The following SYN3 variants were observed in gnomAD, a reference collection of about 807,000 sequenced individuals.
SYN3 encodes synapsin-3.
SYN3 carries 35 observed loss-of-function variants against 65.8 expected under a neutral mutation model. That is an observed-to-expected ratio of 0.53 (90% CI 0.41 to 0.70). The LOEUF (loss-of-function observed/expected upper bound fraction) is 0.70, where lower values mean the gene tolerates loss of function less well. Ranked by LOEUF, SYN3 falls within the 30% of genes least tolerant of loss-of-function variation. SYN3 has a pLI of 0.00. For synonymous variants in SYN3, 270 were observed against 292.9 expected, an observed-to-expected ratio of 0.92 and a Z score of 0.80; for missense variants, 680 against 749.0, an observed-to-expected ratio of 0.91 and a Z score of 1.08.
In SYN3 at chr22:32,888,446, G is replaced by A. The variant is rs557798644; in HGVS notation, c.462-19321C>T. Among the ~76,000 whole-genome samples, 8 of 152,220 alleles carry A rather than the reference G, an allele frequency of 5.3e-5. No homozygotes were observed. In the South Asian group the frequency reaches 6.2e-4, roughly 12 times the overall value. ...CTATTTTCCAAAGGGGCTGTACCAC[G>A]TTACATCCCCAACAGCAATGTAGGA... On this transcript the variant is annotated intron_variant, in intron 4 of 13. Transcript: ENST00000358763.
chr22:32,693,589 C>CTTTTTTTTT (rs1257835833), intron 6 of SYN3, among the ~76,000 whole-genome samples: 3 of 113,494 alleles, frequency 2.6e-5, no homozygotes, highest in African/African-American at 1.4e-4. Context: ...TTTTCTGTAG[C>CTTTTTTTTT]TTGTTTTTTT....
intron 3 of SYN3, among the ~76,000 whole-genome samples, chr22:32,980,355 C>G (rs938745811): frequency 2.0e-5 from 3 of 152,218 alleles, no homozygotes; most frequent in African/African-American, 7.2e-5. Context: ...AGAAGTTGGG[C>G]TCCACCTGCC....
chr22:32,849,326 C>A, intron 6 of SYN3: 3 of 761,138 alleles, frequency 3.9e-6, no homozygotes, highest in Admixed American at 4.1e-5. Flanking sequence ...ATCATCTATT[C>A]CAGTTGGCTC....
chr22:32,574,957 A>G (rs1279863223), intron 7 of SYN3, among the ~76,000 whole-genome samples: 1 of 152,208 alleles, frequency 6.6e-6, no homozygotes, highest in Non-Finnish European at 1.5e-5. Flanking sequence ...TAAACTCGCA[A>G]ATGTATTCCC....
Position 32,508,380 on chromosome 22 carries a change from C to T in SYN3, c.*5312G>A, listed in dbSNP as rs557127536. 1.1e-4 allele frequency among the ~76,000 whole-genome samples: 16 copies of T among 152,274 alleles called. 1 individual carries two copies. The highest frequency in any genetic ancestry group is 7.8e-4 in the Admixed American group (12 of 15,290). On this transcript the variant is annotated 3_prime_UTR_variant, in exon 14 of 14. Transcript: ENST00000358763. ...CCTTCCCAAATCCTATAAAACGGCC[C>T]CATCCCTACTCCCTTTGCTGACTCT...
chr22:32,884,294 A>G (rs1177228477), intron 4 of SYN3, among the ~76,000 whole-genome samples: 3 of 152,228 alleles, frequency 2.0e-5, no homozygotes, highest in Non-Finnish European at 4.4e-5. Flanking sequence ...CCCAGGGGTC[A>G]ATTGATTGCA....
chr22:32,821,878 G>A (rs940008218), intron 6 of SYN3, among the ~76,000 whole-genome samples: 3 of 152,194 alleles, frequency 2.0e-5, no homozygotes, highest in Non-Finnish European at 4.4e-5. Context: ...AGTTGAGGCC[G>A]AGCGCAGTGG....
intron 6 of SYN3, among the ~76,000 whole-genome samples, chr22:32,716,116 C>T (rs929141405): frequency 1.3e-5 from 2 of 152,140 alleles, no homozygotes; most frequent in Admixed American, 6.5e-5. Context: ...GACAATGAGG[C>T]TGTGTTTGGT....
At chr22:32,613,608 C>T (rs2059476521) in intron 6 of SYN3, among the ~76,000 whole-genome samples, 1 of 152,334 alleles carries the variant, frequency 6.6e-6, no homozygotes, top group East Asian at 1.9e-4. Context: ...GGTTGCCCAA[C>T]ATGGAGTAGG....
chr22:32,597,536 C>T (rs1485295586), intron 6 of SYN3, among the ~76,000 whole-genome samples: 1 of 152,124 alleles, frequency 6.6e-6, no homozygotes, highest in Non-Finnish European at 1.5e-5. Context: ...TCAAATAACA[C>T]TTCAACCACC....
chr22:32,700,618 C>A (rs1190053770), intron 6 of SYN3, among the ~76,000 whole-genome samples: 2 of 152,172 alleles, frequency 1.3e-5, no homozygotes, highest in Non-Finnish European at 2.9e-5. Flanking sequence ...ACGTGCCAAC[C>A]AATGCATCAG....
At chr22:32,519,204 T>C (rs1254354768) in intron 12 of SYN3, among the ~76,000 whole-genome samples, 1 of 152,178 alleles carries the variant, frequency 6.6e-6, no homozygotes, top group Non-Finnish European at 1.5e-5. Context: ...ATAGGCAGGA[T>C]CTGCGATTCT....
chr22:32,671,696 G>A (rs1888367120), intron 6 of SYN3, among the ~76,000 whole-genome samples: 1 of 133,672 alleles, frequency 7.5e-6, no homozygotes, highest in Non-Finnish European at 1.6e-5. Flanking sequence ...CACACACGCT[G>A]TCACACAGGT....
chr22:32,844,965 G>T (rs1239900349), intron 6 of SYN3, among the ~76,000 whole-genome samples: 2 of 152,190 alleles, frequency 1.3e-5, no homozygotes, highest in African/African-American at 4.8e-5. Flanking sequence ...CTGAGCTCAA[G>T]TGATCCTCCT....
chr22:32,706,093 C>T (rs553267370), intron 6 of SYN3, among the ~76,000 whole-genome samples: 3 of 152,260 alleles, frequency 2.0e-5, no homozygotes, highest in African/African-American at 7.2e-5. Flanking sequence ...ACTTCCAATA[C>T]TATGTTAAAT....
chr22:32,703,437 G>C (rs909466542), intron 6 of SYN3, among the ~76,000 whole-genome samples: 13 of 152,112 alleles, frequency 8.5e-5, no homozygotes, highest in Non-Finnish European at 5.9e-5. Flanking sequence ...AGGAGACTGA[G>C]ACCATCCTGG....
chr22:32,652,403 A>T (rs1313073592), intron 6 of SYN3, among the ~76,000 whole-genome samples: 1 of 150,948 alleles, frequency 6.6e-6, no homozygotes, highest in East Asian at 2.0e-4. Flanking sequence ...GGAAAAAAAA[A>T]AGTTTTCTTT....
At chr22:32,772,576 A>G (rs5994625) in intron 6 of SYN3, among the ~76,000 whole-genome samples, 130,667 of 152,154 alleles carry the variant, frequency 0.86, 56,166 homozygotes, top group East Asian at 0.93. Flanking sequence ...TTGGAAAAAG[A>G]GCCTTTACAG....
At chr22:32,783,387 G>A (rs1261435622) in intron 6 of SYN3, 1 of 152,174 alleles carries the variant, frequency 6.6e-6, no homozygotes, top group Non-Finnish European at 1.5e-5. Flanking sequence ...ATGTGGGCCC[G>A]GAGCTTCTGG....
Sources: allele counts gnomAD v4.1 joint callset (sites outside exome capture counted in the v4.1 genomes callset), GRCh38; gene constraint gnomAD v4.1.1; transcripts MANE v1.5; gene names NCBI Gene and HGNC (gene_info 2026-07-23, HGNC 2026-07-21).